Variants in VWA5B1 observed in about 807,000 individuals in gnomAD.
VWA5B1 encodes the protein von Willebrand factor A domain-containing protein 5B1.
In VWA5B1, 115 loss-of-function variants were observed where a neutral mutation model predicts 118.2. That is an observed-to-expected ratio of 0.97 (90% CI 0.84 to 1.14). VWA5B1 has a LOEUF of 1.14. VWA5B1 is among the 50% of genes most tolerant of loss of function. The probability of loss-of-function intolerance (pLI) is 0.00; values close to 1 mark genes in which losing one functional copy is unlikely to be tolerated. For missense variants in VWA5B1, 1,596 were observed against 1,603.8 expected, an observed-to-expected ratio of 1.00 and a Z score of 0.08; for synonymous variants, 682 against 658.4, an observed-to-expected ratio of 1.04 and a Z score of -0.55.
chr1:20,315,169 T>C (rs549441785), intron 4 of VWA5B1, among the ~76,000 whole-genome samples: 10 of 152,214 alleles, frequency 6.6e-5, no homozygotes, highest in African/African-American at 1.9e-4. Context: ...AACTGAACGA[T>C]GCGGAGGATG....
At chr1:20,321,535 A>G (rs1273533019) in intron 7 of VWA5B1, among the ~76,000 whole-genome samples, 2 of 152,216 alleles carry the variant, frequency 1.3e-5, no homozygotes, top group African/African-American at 4.8e-5. Flanking sequence ...CAGTGAGCCG[A>G]GATTGAGCCA....
At chr1:20,351,290 A>G (rs2090123761) in intron 20 of VWA5B1, among the ~76,000 whole-genome samples, 1 of 151,884 alleles carries the variant, frequency 6.6e-6, no homozygotes, top group African/African-American at 2.4e-5. Flanking sequence ...AGGCCGAGGC[A>G]GGAGGATCAC....
At chr1:20,350,431 C>G (rs1215263370) in intron 19 of VWA5B1, among the ~76,000 whole-genome samples, 1 of 152,186 alleles carries the variant, frequency 6.6e-6, no homozygotes, top group Non-Finnish European at 1.5e-5. Context: ...CCCAAGGTCA[C>G]AGAGTACTCT....
intron 18 of VWA5B1, chr1:20,349,035 C>T (rs1433389611): frequency 3.6e-6 from 1 of 278,952 alleles, no homozygotes; most frequent in Non-Finnish European, 7.5e-6. Context: ...AGGAGGAAGA[C>T]ATCAGAGGTC....
chr1:20,330,523 T>C, intron 10 of VWA5B1, 141 bp downstream of exon 10: 1 of 1,083,796 alleles, frequency 9.2e-7, no homozygotes, highest in African/African-American at 1.6e-5. Context: ...CAAGATAGTG[T>C]GGGCTGATTT....
At chr1:20,291,954 G>T (rs982354044) in intron 1 of VWA5B1, among the ~76,000 whole-genome samples, 2 of 152,196 alleles carry the variant, frequency 1.3e-5, no homozygotes. Flanking sequence ...CACAGCAGCA[G>T]AAGGAGGCCT....
At chr1:20,348,485 G>C in intron 18 of VWA5B1, 127 bp downstream of exon 18, 1 of 1,005,896 alleles carries the variant, frequency 9.9e-7, no homozygotes, top group East Asian at 2.6e-5. Context: ...GGCTTAGGCA[G>C]GCCCAAGGCA....
At chr1:20,321,775 G>A (rs753048717) in intron 7 of VWA5B1, among the ~76,000 whole-genome samples, 6 of 152,150 alleles carry the variant, frequency 3.9e-5, no homozygotes, top group Non-Finnish European at 7.4e-5. Flanking sequence ...GGATGGAAGA[G>A]CAGGAAGCAG....
chr1:20,340,173 C>A (rs940821921), intron 14 of VWA5B1, among the ~76,000 whole-genome samples: 1 of 150,918 alleles, frequency 6.6e-6, no homozygotes, highest in African/African-American at 2.4e-5. Context: ...CTTATGCATG[C>A]ACACGCAACA....
chr1:20,299,095 C>A (rs2088458083), intron 1 of VWA5B1, among the ~76,000 whole-genome samples: 1 of 152,202 alleles, frequency 6.6e-6, no homozygotes, highest in African/African-American at 2.4e-5. Flanking sequence ...TGATCATACA[C>A]ATAACTTTCT....
chr1:20,296,978 C>T (rs550714438), intron 1 of VWA5B1, among the ~76,000 whole-genome samples: 31 of 152,212 alleles, frequency 2.0e-4, no homozygotes, highest in African/African-American at 5.3e-4. Context: ...TTGCCTGCCT[C>T]GCCTCAGGTC....
chr1:20,349,157 A>C (rs761537804), intron 18 of VWA5B1: 2 of 438,936 alleles, frequency 4.6e-6, no homozygotes, highest in Non-Finnish European at 9.2e-6. Context: ...AACAGAACAC[A>C]GTGTGAGGGG....
At position 20,358,084 on chromosome 1, in the gene VWA5B1, G is replaced by A. The variant is rs1002980685; in HGVS notation, c.*3821G>A. On this transcript the variant is annotated 3_prime_UTR_variant, in exon 22 of 22. Coordinates refer to ENST00000289815, the MANE Select transcript of VWA5B1 (RefSeq NM_001039500.3). ...ACTTACACTGGACTTGTCCATAAGC[G>A]GCCTCGGTTTCCAGCCGGCACCCAT... 2.6e-5 allele frequency among the ~76,000 whole-genome samples: 4 copies of A among 152,110 alleles called. No homozygotes were observed. The highest frequency in any genetic ancestry group is 9.7e-5 in the African/African-American group (4 of 41,422).
At chr1:20,347,396 G>C (rs1030079221) in intron 17 of VWA5B1, among the ~76,000 whole-genome samples, 1 of 151,228 alleles carries the variant, frequency 6.6e-6, no homozygotes, top group South Asian at 2.1e-4. Flanking sequence ...CTGAGAGTGG[G>C]GTTCCCTAAA....
rs754671674 is a variant in VWA5B1 at position 20,345,464 on chromosome 1, C to A, written c.2635C>A (p.Arg879Ser). The A allele has an allele frequency of 1.3e-6, 2 of 1,550,960 alleles. No individual in the cohort carries two copies. Among genetic ancestry groups the A allele is most frequent in the Admixed American group, 2.0e-5 (1 of 50,984 alleles). ...REGEIEQGSNRRYQVSALHTS... is the reference protein window; with the variant it reads ...REGEIEQGSNSRYQVSALHTS... The stretch of plus-strand genomic sequence containing the variant: ...AGTTTCTCCCTCCACAGGGTCCAAC[C>A]GCCGCTACCAAGTGAGCGCCTTGCA... Residue 879 changes from arginine (R) to serine (S), a missense_variant, in exon 17 of 22, where the codon CGC becomes AGC. Coordinates refer to ENST00000289815, the MANE Select transcript of VWA5B1 (RefSeq NM_001039500.3).
intron 8 of VWA5B1, among the ~76,000 whole-genome samples, chr1:20,325,982 C>T (rs1466104324): frequency 1.3e-5 from 2 of 152,194 alleles, no homozygotes; most frequent in Non-Finnish European, 2.9e-5. Flanking sequence ...TTTCCTGCAG[C>T]TGGTCTCATT....
intron 12 of VWA5B1, among the ~76,000 whole-genome samples, chr1:20,335,993 TG>T (rs1164296233): frequency 2.0e-5 from 3 of 152,238 alleles, no homozygotes; most frequent in African/African-American, 7.2e-5. Flanking sequence ...AAGGAACAGA[TG>T]GTTTATTTTG....
rs533540609 is a variant in VWA5B1 at position 20,349,260 on chromosome 1, CT to C, written c.2879-895del. On this transcript the variant is annotated intron_variant, in intron 18 of 21. Coordinates refer to ENST00000289815, the MANE Select transcript of VWA5B1 (RefSeq NM_001039500.3). The stretch of plus-strand genomic sequence containing the variant: ...AAACCCAGGAGAACCAGCTCCACCC[CT>C]GAGCCAAGCTGAACTTCCAGTCTTC... The C allele has an allele frequency of 1.8e-4, 72 of 407,888 alleles. No individual in the cohort carries two copies. The East Asian group carries it at 2.5e-3, about 14-fold the overall frequency. The allele number at this position is 407,888 out of a possible 1,614,324, so 25.3% of individuals were successfully genotyped here. A position where few individuals can be genotyped will look rare whatever the true frequency, so the allele number is the denominator to read the frequency against.
Position 20,343,365 on chromosome 1 carries a change from G to C in VWA5B1, c.2598G>C (p.Leu866=). Residue 866 remains leucine, a synonymous_variant, in exon 16 of 22, where the codon CTG becomes CTC. Transcript: ENST00000289815. ...ARAIIRDFEQ[L]AEREGEIEQG... Reference sequence around the variant, plus strand: ...CCATCATCCGCGACTTCGAGCAGCTGGCGGAGCGCGAGGGCGAGATCGAGC... The same window carrying C: ...CCATCATCCGCGACTTCGAGCAGCTCGCGGAGCGCGAGGGCGAGATCGAGC... The C allele has an allele frequency of 6.5e-7, 1 of 1,537,362 alleles. No individual in the cohort carries two copies. Among genetic ancestry groups the C allele is most frequent in the Non-Finnish European group, 8.7e-7 (1 of 1,143,716 alleles).
Sources: gnomAD v4.1 joint callset for allele counts (sites outside exome capture counted in the v4.1 genomes callset) on GRCh38, gnomAD v4.1.1 for gene constraint, MANE v1.5 for transcripts, NCBI Gene and HGNC (gene_info 2026-07-23, HGNC 2026-07-21) for gene names.